Variants in COG6 observed in about 807,000 individuals in gnomAD.
The protein encoded by COG6 is component of oligomeric golgi complex 6, also known as conserved oligomeric Golgi complex subunit 6.
In COG6, 74 loss-of-function variants were observed where a neutral mutation model predicts 88.8. That is an observed-to-expected ratio of 0.83 (90% confidence interval 0.69 to 1.01). COG6 has a LOEUF of 1.01. Among genes scored for constraint, COG6 ranks in the 50% least tolerant of loss-of-function variants. COG6 has a pLI of 0.00. For missense variants in COG6, 800 were observed against 797.9 expected (o/e 1.00, Z -0.03); for synonymous variants, 286 against 278.7 (o/e 1.03, Z -0.26).
intron 17 of COG6, among the ~76,000 whole-genome samples, chr13:39,726,610 T>C (rs1409137420): frequency 6.6e-6 from 1 of 151,972 alleles, no homozygotes; most frequent in Non-Finnish European, 1.5e-5. Context: ...TCTGTCTTCC[T>C]ATGGCCAGAT....
At chr13:39,776,541 G>C (rs1468684944) in intron 18 of COG6, among the ~76,000 whole-genome samples, 4 of 152,154 alleles carry the variant, frequency 2.6e-5, no homozygotes, top group Non-Finnish European at 5.9e-5. Context: ...TATTAATACT[G>C]TACACTTTTC....
At chr13:39,746,780 G>A (rs1043634271) in intron 18 of COG6, among the ~76,000 whole-genome samples, 2 of 152,106 alleles carry the variant, frequency 1.3e-5, no homozygotes, top group Non-Finnish European at 2.9e-5. Context: ...AATTATTACT[G>A]TAAATAAAAA....
At chr13:39,732,684 G>C (rs997161264) in intron 18 of COG6, among the ~76,000 whole-genome samples, 2 of 152,080 alleles carry the variant, frequency 1.3e-5, no homozygotes, top group Admixed American at 6.6e-5. Flanking sequence ...TTGAAGAGAG[G>C]ACAATAGAAA....
In COG6 at chr13:39,665,078, A is replaced by AT; in HGVS notation, c.370-17dup. The AT allele has an allele frequency of 1.8e-6, 2 of 1,138,054 alleles. No homozygotes were observed. The highest frequency in any genetic ancestry group is 2.7e-6 in the Non-Finnish European group (2 of 748,300). The allele number at this position is 1,138,054 out of a possible 1,614,324, so 70.5% of individuals were successfully genotyped here. ...TAAAATTGGAATTTACTTATATTAG[A>AT]TATGTTTATAATTTTAGGCAGCAAA... On this transcript the variant is annotated splice_polypyrimidine_tract_variant and intron_variant, in intron 3 of 18. Coordinates refer to ENST00000455146, the MANE Select transcript of COG6 (RefSeq NM_020751.3).
chr13:39,664,440 C>T (rs1875114102), intron 3 of COG6, among the ~76,000 whole-genome samples: 1 of 152,186 alleles, frequency 6.6e-6, no homozygotes, highest in Admixed American at 6.6e-5. Flanking sequence ...GAGAGAATCT[C>T]ATTGTCTTTT....
chr13:39,682,084 C>T, intron 7 of COG6, 87 bp from the exon 8 acceptor site: 1 of 898,560 alleles, frequency 1.1e-6, no homozygotes, highest in Non-Finnish European at 1.8e-6. Context: ...GGGTGTTTGC[C>T]ATAGAATTTA....
chr13:39,767,615 C>A lies in COG6; in HGVS notation c.1827-20720C>A, dbSNP rs572541086. Reference sequence around the variant, plus strand: ...GGTGGGAGCATTTACTAAATCTAACCAAAGCCTGATTGTGTACAGACTTTC... The same window carrying A: ...GGTGGGAGCATTTACTAAATCTAACAAAAGCCTGATTGTGTACAGACTTTC... On this transcript the variant is annotated intron_variant, in intron 18 of 18. Coordinates refer to the COG6 transcript ENST00000416691. Among the ~76,000 whole-genome samples the A allele has an allele frequency of 4.6e-5, 7 of 152,252 alleles. No individual in the cohort carries two copies. The East Asian group carries it at 1.4e-3, about 29-fold the overall frequency.
At chr13:39,663,448 G>A (rs1021287720) in intron 3 of COG6, among the ~76,000 whole-genome samples, 40 of 152,220 alleles carry the variant, frequency 2.6e-4, no homozygotes, top group Middle Eastern at 3.4e-3. Context: ...GACTTGAGGG[G>A]ATACTATATT....
chr13:39,740,308 T>G (rs1879978972), intron 18 of COG6, among the ~76,000 whole-genome samples: 1 of 152,172 alleles, frequency 6.6e-6, no homozygotes, highest in African/African-American at 2.4e-5. Flanking sequence ...TGTGCCTGGT[T>G]TATCACATTA....
At chr13:39,757,991 G>A (rs1173221097) in intron 18 of COG6, among the ~76,000 whole-genome samples, 1 of 152,124 alleles carries the variant, frequency 6.6e-6, no homozygotes, top group East Asian at 1.9e-4. Flanking sequence ...GGAGGCCGAG[G>A]CAGGCAGATC....
intron 3 of COG6, among the ~76,000 whole-genome samples, chr13:39,662,436 T>C (rs1272980948): frequency 6.6e-6 from 1 of 152,162 alleles, no homozygotes; most frequent in Non-Finnish European, 1.5e-5. Context: ...CAGTCCTTTA[T>C]ATTTTCTTTG....
chr13:39,730,174 A>C (rs551234145), intron 18 of COG6, among the ~76,000 whole-genome samples: 5 of 152,114 alleles, frequency 3.3e-5, no homozygotes, highest in Non-Finnish European at 1.5e-5. Flanking sequence ...ATTTTATGAT[A>C]TGTGCCTAAC....
intron 2 of COG6, 22 bp downstream of exon 2, chr13:39,659,529 A>C: frequency 6.2e-7 from 1 of 1,604,186 alleles, no homozygotes. Context: ...CTTTTCATTT[A>C]GCATATATTG....
chr13:39,656,160 C>T (rs1455640047), intron 1 of COG6: 2 of 587,124 alleles, frequency 3.4e-6, no homozygotes, highest in East Asian at 7.6e-5. Flanking sequence ...ACGGTGGTGC[C>T]TCGAGAAGTG....
intron 18 of COG6, among the ~76,000 whole-genome samples, chr13:39,766,078 C>G (rs1157006129): frequency 6.6e-6 from 1 of 152,218 alleles, no homozygotes; most frequent in Non-Finnish European, 1.5e-5. Context: ...CCAGCCACTT[C>G]TGGCTTCTGG....
chr13:39,688,700 A>G (rs1347667926), intron 10 of COG6, among the ~76,000 whole-genome samples: 1 of 152,198 alleles, frequency 6.6e-6, no homozygotes, highest in Non-Finnish European at 1.5e-5. Flanking sequence ...AATGTACTTA[A>G]AATTTTTGTC....
At chr13:39,747,959 A>T in intron 18 of COG6, among the ~76,000 whole-genome samples, 1 of 152,304 alleles carries the variant, frequency 6.6e-6, no homozygotes, top group South Asian at 2.1e-4. Flanking sequence ...ATTGTACATT[A>T]TTCTTATTTT....
At position 39,752,048 on chromosome 13, in the gene COG6, T is replaced by C; in HGVS notation, c.*955T>C. 1 of 1,285,936 alleles carries C rather than the reference T, an allele frequency of 7.8e-7. No homozygotes were observed. The highest frequency in any genetic ancestry group is 1.0e-6 in the Non-Finnish European group (1 of 987,512). 79.7% of individuals were successfully genotyped at this position (1,285,936 alleles called of 1,614,324 possible). On this transcript the variant is annotated 3_prime_UTR_variant, in exon 19 of 19. Coordinates refer to ENST00000455146, the MANE Select transcript of COG6 (RefSeq NM_020751.3). The stretch of plus-strand genomic sequence containing the variant: ...GTGTGTCTTATCTCCATGTTGTAAC[T>C]GGACTCTGACTTTAGACCATTACCT...
At chr13:39,666,346 G>A (rs1454855548) in intron 4 of COG6, among the ~76,000 whole-genome samples, 1 of 152,104 alleles carries the variant, frequency 6.6e-6, no homozygotes, top group African/African-American at 2.4e-5. Context: ...GGTTGCAGTG[G>A]GCTATGATAG....
Sources: allele counts gnomAD v4.1 joint callset (sites outside exome capture counted in the v4.1 genomes callset), GRCh38; gene constraint gnomAD v4.1.1; transcripts MANE v1.5; gene names NCBI Gene and HGNC (gene_info 2026-07-23, HGNC 2026-07-21).